MOB3B: variants seen among roughly 807,000 people sequenced by gnomAD.
MOB3B encodes MOB kinase activator-like 2B.
A neutral mutation model predicts 18.7 loss-of-function variants in MOB3B; 7 were observed. The ratio of observed to expected loss-of-function variants is 0.37; its 90% CI spans 0.21 to 0.70. MOB3B has a LOEUF of 0.70. Among genes scored for constraint, MOB3B ranks in the 30% least tolerant of loss-of-function variants. MOB3B has a pLI of 0.52. For missense variants in MOB3B, 253 were observed against 281.3 expected (o/e 0.90, Z 0.72); for synonymous variants, 111 against 99.9 (o/e 1.11, Z -0.66).
At chr9:27,339,530 C>A (rs980905334) in intron 3 of MOB3B, among the ~76,000 whole-genome samples, 4 of 152,208 alleles carry the variant, frequency 2.6e-5, no homozygotes, top group African/African-American at 9.6e-5. Flanking sequence ...TTTCCTGCAC[C>A]TTTTCTGTGT....
chr9:27,412,910 T>A (rs1435149795), intron 2 of MOB3B, among the ~76,000 whole-genome samples: 1 of 152,232 alleles, frequency 6.6e-6, no homozygotes. Context: ...ACGTCACAGT[T>A]GATAGGAACA....
chr9:27,443,917 T>A (rs994570902), intron 2 of MOB3B, among the ~76,000 whole-genome samples: 2 of 152,140 alleles, frequency 1.3e-5, no homozygotes, highest in Non-Finnish European at 2.9e-5. Flanking sequence ...AGAGCATGAA[T>A]GGCATATGTA....
chr9:27,472,129 G>C (rs1819481561), intron 1 of MOB3B, among the ~76,000 whole-genome samples: 1 of 152,132 alleles, frequency 6.6e-6, no homozygotes, highest in South Asian at 2.1e-4. Flanking sequence ...TCTTGCAAAA[G>C]AGTGAAGGGT....
intron 2 of MOB3B, among the ~76,000 whole-genome samples, chr9:27,440,486 T>C (rs1822576865): frequency 6.6e-6 from 1 of 152,216 alleles, no homozygotes; most frequent in South Asian, 2.1e-4. Context: ...AAGAAATTCA[T>C]GACTACTCTG....
intron 1 of MOB3B, among the ~76,000 whole-genome samples, chr9:27,493,115 A>G (rs1412869689): frequency 6.6e-6 from 1 of 152,148 alleles, no homozygotes. Flanking sequence ...CAATGTATGT[A>G]AGAACATACA....
chr9:27,352,666 G>C (rs1215217255), intron 3 of MOB3B, among the ~76,000 whole-genome samples: 2 of 152,142 alleles, frequency 1.3e-5, no homozygotes, highest in Non-Finnish European at 2.9e-5. Flanking sequence ...TGGCTGTGTG[G>C]TTTGAGGCCA....
intron 2 of MOB3B, among the ~76,000 whole-genome samples, chr9:27,432,230 T>C (rs931387857): frequency 1.7e-4 from 26 of 152,112 alleles, no homozygotes; most frequent in Non-Finnish European, 2.6e-4. Context: ...AGATAGAAGC[T>C]CCCTCTTCTT....
intron 2 of MOB3B, among the ~76,000 whole-genome samples, chr9:27,388,060 T>G (rs1386792256): frequency 6.6e-6 from 1 of 152,150 alleles, no homozygotes; most frequent in African/African-American, 2.4e-5. Context: ...CATTTAACAA[T>G]GCACAGGACA....
chr9:27,357,886 T>TAAAAAAAAAA (rs1563849117), intron 3 of MOB3B, among the ~76,000 whole-genome samples: 1 of 25,292 alleles, frequency 4.0e-5, no homozygotes, highest in African/African-American at 1.5e-4. Context: ...ATCCCATCGC[T>TAAAAAAAAAA]ACAAAAAAAA....
chr9:27,373,035 A>C (rs1199293273), intron 2 of MOB3B, among the ~76,000 whole-genome samples: 1 of 152,214 alleles, frequency 6.6e-6, no homozygotes, highest in African/African-American at 2.4e-5. Flanking sequence ...TTATATTTAA[A>C]AAACACTCTG....
chr9:27,527,178 C>T (rs953078315), intron 1 of MOB3B, among the ~76,000 whole-genome samples: 3 of 152,118 alleles, frequency 2.0e-5, no homozygotes, highest in East Asian at 1.9e-4. Flanking sequence ...TTTTCCTTAG[C>T]GGGGTAGGCC....
At chr9:27,490,760 G>C (rs1587253588) in intron 1 of MOB3B, among the ~76,000 whole-genome samples, 1 of 152,244 alleles carries the variant, frequency 6.6e-6, no homozygotes, top group East Asian at 1.9e-4. Context: ...TCTTTACACT[G>C]GACCTTGATG....
chr9:27,522,260 A>T (rs1475103805), intron 1 of MOB3B, among the ~76,000 whole-genome samples: 8 of 145,134 alleles, frequency 5.5e-5, no homozygotes, highest in African/African-American at 1.7e-4. Flanking sequence ...AAAAAAAAAA[A>T]AAAAAAGAAA....
intron 2 of MOB3B, among the ~76,000 whole-genome samples, chr9:27,367,515 C>A (rs960710929): frequency 6.6e-6 from 1 of 152,228 alleles, no homozygotes; most frequent in South Asian, 2.1e-4. Flanking sequence ...TTCTGTGCTG[C>A]TTGCCCTTAA....
At position 27,513,986 on chromosome 9, in the gene MOB3B, C is replaced by T. The variant is rs113468702; in HGVS notation, c.-199+15569G>A. Reference sequence around the variant, plus strand: ...TAGATACTTTCTGAATTATTTGACCCAACAACTGGAACCATCCATGAGAAA... The same window carrying T: ...TAGATACTTTCTGAATTATTTGACCTAACAACTGGAACCATCCATGAGAAA... On this transcript the variant is annotated intron_variant, in intron 1 of 3. Transcript: ENST00000262244. Among the ~76,000 whole-genome samples, 485 of 152,092 alleles carry T rather than the reference C, an allele frequency of 3.2e-3. 4 individuals are homozygous for T. Among genetic ancestry groups the T allele is most frequent in the African/African-American group, 0.011 (471 of 41,462 alleles).
In MOB3B at chr9:27,330,493, G is replaced by A. The variant is rs1820770363; in HGVS notation, c.*94C>T. Reference sequence around the variant, plus strand: ...TCCACCTCTGCTGTTCCTGGGAGTAGGTGTGTCATTTCAGCCAGGGTGGTC... The same window carrying A: ...TCCACCTCTGCTGTTCCTGGGAGTAAGTGTGTCATTTCAGCCAGGGTGGTC... On this transcript the variant is annotated 3_prime_UTR_variant, in exon 4 of 4. Transcript: ENST00000262244. The A allele has an allele frequency of 6.5e-7, 1 of 1,546,746 alleles. No individual in the cohort carries two copies. The highest frequency in any genetic ancestry group is 1.2e-5 in the South Asian group (1 of 84,994).
intron 2 of MOB3B, among the ~76,000 whole-genome samples, chr9:27,385,512 C>A (rs550724820): frequency 3.3e-5 from 5 of 152,108 alleles, no homozygotes; most frequent in African/African-American, 1.2e-4. Context: ...CTCCTGCATA[C>A]CTGCCCTCTC....
chr9:27,353,564 T>C (rs1821139475), intron 3 of MOB3B, among the ~76,000 whole-genome samples: 1 of 152,184 alleles, frequency 6.6e-6, no homozygotes, highest in African/African-American at 2.4e-5. Context: ...ATCACTTTCA[T>C]TGTTAGAAAC....
chr9:27,352,325 T>G (rs1821116950), intron 3 of MOB3B, among the ~76,000 whole-genome samples: 1 of 139,372 alleles, frequency 7.2e-6, no homozygotes, highest in Admixed American at 7.9e-5. Context: ...GAGGATGCAG[T>G]GAGCCATGAT....
Sources: allele counts gnomAD v4.1 joint callset (sites outside exome capture counted in the v4.1 genomes callset), GRCh38; gene constraint gnomAD v4.1.1; transcripts MANE v1.5; gene names NCBI Gene and HGNC (gene_info 2026-07-23, HGNC 2026-07-21).